Variants in ZNF724 observed in about 807,000 individuals in gnomAD.
ZNF724 encodes the protein zinc finger protein 724 pseudogene.
A neutral mutation model predicts 29.3 loss-of-function variants in ZNF724; 14 were observed. The ratio of observed to expected loss-of-function variants is 0.48; its 90% CI spans 0.32 to 0.75. The LOEUF (loss-of-function observed/expected upper bound fraction) is 0.75, where lower values mean the gene tolerates loss of function less well. Ranked by LOEUF, ZNF724 falls within the 30% of genes least tolerant of loss-of-function variation. ZNF724 has a pLI of 0.04. For missense variants in ZNF724, 557 were observed against 571.2 expected, an observed-to-expected ratio of 0.98 and a Z score of 0.25; for synonymous variants, 180 against 193.6, an observed-to-expected ratio of 0.93 and a Z score of 0.58.
At chr19:23,228,826 G>A (rs1367746349) in intron 3 of ZNF724, among the ~76,000 whole-genome samples, 2 of 151,292 alleles carry the variant, frequency 1.3e-5, no homozygotes, top group South Asian at 2.1e-4. Context: ...GGAGGAGGAC[G>A]TTGCAGTGAG....
At chr19:23,237,762 A>C (rs1385855611) in intron 1 of ZNF724, among the ~76,000 whole-genome samples, 1 of 151,770 alleles carries the variant, frequency 6.6e-6, no homozygotes, top group Non-Finnish European at 1.5e-5. Context: ...ACACAAATGC[A>C]AGTTGTCTAC....
At chr19:23,224,270 G>A (rs567034452) in intron 3 of ZNF724, among the ~76,000 whole-genome samples, 73 of 152,096 alleles carry the variant, frequency 4.8e-4, no homozygotes, top group Admixed American at 1.4e-3. Flanking sequence ...AAAATTAGCC[G>A]GGCATGATAG....
At chr19:23,248,260 A>G (rs1972277687) in intron 1 of ZNF724, among the ~76,000 whole-genome samples, 1 of 152,220 alleles carries the variant, frequency 6.6e-6, no homozygotes, top group African/African-American at 2.4e-5. Flanking sequence ...AGTATGAAAA[A>G]TATACACTAA....
At chr19:23,248,785 A>AGTGG in intron 1 of ZNF724, among the ~76,000 whole-genome samples, 2 of 152,156 alleles carry the variant, frequency 1.3e-5, no homozygotes, top group South Asian at 4.2e-4. Flanking sequence ...ACCTGAGGTC[A>AGTGG]AAAGGTCGAG....
chr19:23,238,459 G>A (rs1336303846), intron 1 of ZNF724, among the ~76,000 whole-genome samples: 3 of 152,140 alleles, frequency 2.0e-5, no homozygotes, highest in Admixed American at 6.6e-5. Context: ...ATGACAAAAG[G>A]TTTCTTTAGC....
At chr19:23,228,127 G>A (rs959978816) in intron 3 of ZNF724, among the ~76,000 whole-genome samples, 3 of 152,068 alleles carry the variant, frequency 2.0e-5, no homozygotes, top group Non-Finnish European at 4.4e-5. Context: ...TATATAGCAA[G>A]TCCTCATCTC....
Position 23,223,988 on chromosome 19 carries a change from C to A in ZNF724, c.257G>T (p.Arg86Leu). 1 of 691,218 alleles carries A rather than the reference C, an allele frequency of 1.4e-6. No individual in the cohort carries two copies. Among genetic ancestry groups the A allele is most frequent in the Admixed American group, 2.5e-5 (1 of 40,816 alleles). The allele number at this position is 691,218 out of a possible 1,614,324, so 42.8% of individuals were successfully genotyped here. A position where few individuals can be genotyped will look rare whatever the true frequency, so the allele number is the denominator to read the frequency against. The change falls in exon 4 of 4, where the codon CGG (arginine) becomes CTG (leucine). Residue 86 changes from arginine to leucine, a missense_variant. This residue lies in a region of ZNF724 where 362 missense variants were observed against 295.5 expected (regional missense o/e 1.22). Transcript: ENST00000418100. ...AGAAGCTTTTATGCTCTGCTCTGGC[C>A]GAAGGTCTTGGGCAAAATAACAACA... Reference protein sequence around the residue: ...GMCCYFAQDLRPEQSIKASLQ... With the variant: ...GMCCYFAQDLLPEQSIKASLQ...
chr19:23,226,831 T>C (rs534944202), intron 3 of ZNF724, among the ~76,000 whole-genome samples: 132 of 152,222 alleles, frequency 8.7e-4, no homozygotes, highest in Middle Eastern at 3.4e-3. Flanking sequence ...ATTTATTTCT[T>C]AATTAAGCCC....
chr19:23,244,934 C>T (rs1437787194), intron 1 of ZNF724, among the ~76,000 whole-genome samples: 2 of 152,220 alleles, frequency 1.3e-5, no homozygotes, highest in Middle Eastern at 3.4e-3. Flanking sequence ...ATAAAAGATA[C>T]AACCCAGGAA....
rs768617811 is a variant in ZNF724, at chr19:23,223,282, T to C, written c.963A>G (p.Gln321=). 3.8e-5 allele frequency: 31 copies of C among 806,426 alleles called. No homozygotes were observed. Among genetic ancestry groups the C allele is most frequent in the South Asian group, 3.0e-4 (22 of 73,798 alleles). 50.0% of individuals were successfully genotyped at this position (806,426 alleles called of 1,614,324 possible). A position where few individuals can be genotyped will look rare whatever the true frequency, so the allele number is the denominator to read the frequency against. ...ICEHCGRAFN[Q]SSNLTKHKRI... ...TCTTATGTTTAGTAAGGTTCGAGGA[T>C]TGGTTAAAAGCTCTGCCACAATGTT... The change falls in exon 4 of 4, where the codon CAA becomes CAG. Residue 321 remains glutamine, a synonymous_variant. Transcript: ENST00000418100.
intron 1 of ZNF724, among the ~76,000 whole-genome samples, chr19:23,246,632 C>T (rs569156962): frequency 6.6e-6 from 1 of 151,024 alleles, no homozygotes; most frequent in East Asian, 2.0e-4. Flanking sequence ...CCAGCCTGGG[C>T]GACAGAGCAA....
chr19:23,225,812 A>C (rs1400203198), intron 3 of ZNF724, among the ~76,000 whole-genome samples: 4 of 152,130 alleles, frequency 2.6e-5, no homozygotes. Flanking sequence ...GGCAGTTGTT[A>C]CTTAATGGAT....
At position 23,221,772 on chromosome 19, in the gene ZNF724, T is replaced by A. The variant is rs1450618609; in HGVS notation, c.*613A>T. 3 of 152,730 alleles carry A rather than the reference T, an allele frequency of 2.0e-5. No individual in the cohort carries two copies. Among genetic ancestry groups the A allele is most frequent in the Admixed American group, 2.0e-4 (3 of 15,276 alleles). The allele number at this position is 152,730 out of a possible 1,614,324, so 9.5% of individuals were successfully genotyped here. On this transcript the variant is annotated 3_prime_UTR_variant, in exon 4 of 4. Coordinates refer to ENST00000418100, the MANE Select transcript of ZNF724 (RefSeq NM_001355404.2). ...TTTGTATTTTGGGTAGAGATGGAGT[T>A]TCACCATGTTGGCCAGGCTGGTCTT... is the stretch of plus-strand genomic sequence containing the variant.
At chr19:23,239,805 T>TTTA (rs1972087873) in intron 1 of ZNF724, among the ~76,000 whole-genome samples, 1 of 151,812 alleles carries the variant, frequency 6.6e-6, no homozygotes, top group Non-Finnish European at 1.5e-5. Flanking sequence ...AGCGAGACTG[T>TTTA]TTCAATCAAT....
chr19:23,232,961 T>C (rs548896500), intron 1 of ZNF724, among the ~76,000 whole-genome samples: 1 of 152,202 alleles, frequency 6.6e-6, no homozygotes, highest in East Asian at 1.9e-4. Flanking sequence ...ACAAAGATAC[T>C]TAATAATGAA....
intron 1 of ZNF724, among the ~76,000 whole-genome samples, chr19:23,239,747 G>T (rs1421045399): frequency 2.0e-5 from 3 of 152,078 alleles, no homozygotes; most frequent in African/African-American, 7.2e-5. Context: ...GGAGACAGAG[G>T]TTGCAGCGAG....
chr19:23,223,486 G>A lies in ZNF724; in HGVS notation c.759C>T (p.Ser253=). 1.3e-6 allele frequency: 1 copy of A among 754,712 alleles called. No individual in the cohort carries two copies. Among genetic ancestry groups the A allele is most frequent in the Non-Finnish European group, 2.5e-6 (1 of 405,990 alleles). 46.8% of individuals were successfully genotyped at this position (754,712 alleles called of 1,614,324 possible). The change falls in exon 4 of 4, where the codon TCC becomes TCT. Residue 253 remains serine (S), a synonymous_variant. Transcript: ENST00000418100. ...CTTTTCCACATTCTTCACGTTTGTA[G>A]GATTTCTCTCCAGTATGAATTATCT... is the stretch of plus-strand genomic sequence containing the variant. ...THKIIHTGEK[S]YKREECGKAF... is the part of the protein sequence containing the mutation.
At chr19:23,227,453 G>A (rs1212985018) in intron 3 of ZNF724, among the ~76,000 whole-genome samples, 1 of 149,274 alleles carries the variant, frequency 6.7e-6, no homozygotes, top group Non-Finnish European at 1.5e-5. Context: ...CTACTTGGGA[G>A]GCTGAGGCAG....
chr19:23,222,446 T>C lies in ZNF724; in HGVS notation c.1799A>G (p.Asn600Ser). 7.8e-7 allele frequency: 1 copy of C among 1,282,616 alleles called. No individual in the cohort carries two copies. The highest frequency in any genetic ancestry group is 1.2e-5 in the South Asian group (1 of 84,078). 79.5% of individuals were successfully genotyped at this position (1,282,616 alleles called of 1,614,324 possible). A position where few individuals can be genotyped will look rare whatever the true frequency, so the allele number is the denominator to read the frequency against. ...YKCKECGKAF[N>S]QCSNLTTHKK... ...GTGTGTAGTAAGGTTTGAGCATTGGTTAAAAGCTTTGCCACATTCTTTACA... is the reference window on the plus strand; with the variant it reads ...GTGTGTAGTAAGGTTTGAGCATTGGCTAAAAGCTTTGCCACATTCTTTACA... The change falls in exon 4 of 4, where the codon AAC becomes AGC. Residue 600 changes from asparagine to serine, a missense_variant. Asn to Ser is a conservative substitution (Grantham distance 46, BLOSUM62 1). Coordinates refer to ENST00000418100, the MANE Select transcript of ZNF724 (RefSeq NM_001355404.2).
Sources: allele counts gnomAD v4.1 joint callset (sites outside exome capture counted in the v4.1 genomes callset), GRCh38; gene constraint gnomAD v4.1.1; regional missense constraint gnomAD v4.1.1; transcripts MANE v1.5; gene names NCBI Gene and HGNC (gene_info 2026-07-23, HGNC 2026-07-21).